The following STXBP4 variants were observed in gnomAD, a reference collection of about 807,000 sequenced individuals.
The protein encoded by STXBP4 is syntaxin binding protein 4.
STXBP4 carries 55 observed loss-of-function variants against 76.1 expected under a neutral mutation model. The observed-to-expected ratio is 0.72, with a 90% CI of 0.58 to 0.91. The LOEUF is 0.91. STXBP4 is among the 40% of genes least tolerant of loss of function. The probability of loss-of-function intolerance (pLI) is 0.00; values close to 1 mark genes in which losing one functional copy is unlikely to be tolerated. For synonymous variants in STXBP4, 201 were observed against 220.2 expected, an observed-to-expected ratio of 0.91 and a Z score of 0.77; for missense variants, 618 against 636.9, an observed-to-expected ratio of 0.97 and a Z score of 0.32.
chr17:55,149,176 A>G (rs190127995), intron 17 of STXBP4, among the ~76,000 whole-genome samples: 16 of 152,338 alleles, frequency 1.1e-4, no homozygotes, highest in African/African-American at 3.1e-4. Flanking sequence ...GTTGTAAGGT[A>G]TTGAAATTAC....
intron 16 of STXBP4, among the ~76,000 whole-genome samples, chr17:55,117,400 T>C (rs1190588969): frequency 6.6e-6 from 1 of 151,802 alleles, no homozygotes; most frequent in Non-Finnish European, 1.5e-5. Flanking sequence ...CAGGTTTCGA[T>C]GATGACCGAA....
chr17:55,078,711 A>G lies in STXBP4; in HGVS notation c.1331A>G (p.Asn444Ser). 1 of 1,565,584 alleles carries G rather than the reference A, an allele frequency of 6.4e-7. No homozygotes were observed. Among genetic ancestry groups the G allele is most frequent in the Non-Finnish European group, 8.8e-7 (1 of 1,137,590 alleles). Residue 444 changes from asparagine (N) to serine (S), a missense_variant, in exon 15 of 18, where the codon AAT becomes AGT. Transcript: ENST00000376352. ...VEAIQEVFSDNSTPLSNLSER... is the reference protein window; with the variant it reads ...VEAIQEVFSDSSTPLSNLSER... ...GCTATTCAAGAAGTATTTTCTGATA[A>G]TTCTACTCCTTTATCAAATTTAAGG...
intron 8 of STXBP4, among the ~76,000 whole-genome samples, chr17:55,012,186 G>C (rs2078127766): frequency 6.6e-6 from 1 of 152,156 alleles, no homozygotes; most frequent in Non-Finnish European, 1.5e-5. Flanking sequence ...ACACTTCACA[G>C]TGCACCATTG....
rs371725091 is a variant in STXBP4 at position 54,971,812 on chromosome 17, T to C, written c.-157+2997T>C. On this transcript the variant is annotated intron_variant, in intron 1 of 17. Transcript: ENST00000376352. ...TTATTTTTATTTTTATTTTTATTTT[T>C]GAGAGACAAGATCTTGCTGGGTTGC... Among the ~76,000 whole-genome samples the C allele has an allele frequency of 4.6e-5, 7 of 152,134 alleles. No homozygotes were observed. In the East Asian group the frequency reaches 5.8e-4, roughly 13 times the overall value.
chr17:55,199,749 C>T, the STXBP4 span, among the ~76,000 whole-genome samples: 1 of 152,228 alleles, frequency 6.6e-6, no homozygotes, highest in Non-Finnish European at 1.5e-5. Context: ...TTTTGTTCCT[C>T]GAGTGCTTAA....
At chr17:55,131,865 C>T (rs1455412824) in intron 16 of STXBP4, among the ~76,000 whole-genome samples, 2 of 152,084 alleles carry the variant, frequency 1.3e-5, no homozygotes, top group Non-Finnish European at 2.9e-5. Context: ...CAGGCTCAAG[C>T]GATCCTCCCA....
chr17:55,165,506 C>T lies in STXBP4; in HGVS notation c.*5595C>T, dbSNP rs779614722. On this transcript the variant is annotated 3_prime_UTR_variant, in exon 18 of 18. Transcript: ENST00000376352. ...GATTTCTGTGAACCCAAAAGGATCA[C>T]AGGAGTAGCAATAACACCTGCTGGA... 6.6e-6 allele frequency: 1 copy of T among 151,998 alleles called. No homozygotes were observed. Among genetic ancestry groups the T allele is most frequent in the Non-Finnish European group, 1.5e-5 (1 of 68,040 alleles). The allele number at this position is 151,998 out of a possible 1,614,324, so 9.4% of individuals were successfully genotyped here.
intron 16 of STXBP4, among the ~76,000 whole-genome samples, chr17:55,088,781 C>T (rs1048244611): frequency 6.6e-6 from 1 of 152,148 alleles, no homozygotes; most frequent in Non-Finnish European, 1.5e-5. Context: ...TGAGATTATA[C>T]ACATTTTGGA....
intron 12 of STXBP4, among the ~76,000 whole-genome samples, chr17:55,047,829 C>CA (rs986750151): frequency 1.3e-5 from 2 of 151,446 alleles, no homozygotes; most frequent in Non-Finnish European, 3.0e-5. Flanking sequence ...GACTATGTGA[C>CA]AAAAAAACAC....
chr17:55,059,710 C>G (rs1368376132), intron 12 of STXBP4, among the ~76,000 whole-genome samples: 2 of 151,462 alleles, frequency 1.3e-5, no homozygotes, highest in Non-Finnish European at 3.0e-5. Flanking sequence ...CATCCCAGAT[C>G]TATAGAATCA....
chr17:55,145,556 TA>T (rs1480778314), intron 17 of STXBP4, among the ~76,000 whole-genome samples: 1 of 152,230 alleles, frequency 6.6e-6, no homozygotes, highest in African/African-American at 2.4e-5. Flanking sequence ...CCTCATTGAC[TA>T]TCCCTGCCCA....
intron 7 of STXBP4, among the ~76,000 whole-genome samples, 186 bp downstream of exon 7, chr17:55,001,069 C>G (rs1410389080): frequency 2.6e-5 from 4 of 152,006 alleles, no homozygotes; most frequent in Admixed American, 1.3e-4. Context: ...TAGATATTTC[C>G]CTGAACAAAG....
At chr17:55,194,391 C>CAT in the STXBP4 span, among the ~76,000 whole-genome samples, 1 of 152,080 alleles carries the variant, frequency 6.6e-6, no homozygotes, top group East Asian at 1.9e-4. Flanking sequence ...ATACACAACA[C>CAT]ATACACTATT....
chr17:55,185,763 C>T, the STXBP4 span, among the ~76,000 whole-genome samples: 32 of 152,246 alleles, frequency 2.1e-4, no homozygotes, highest in Middle Eastern at 3.4e-3. Flanking sequence ...ACAGACTCAA[C>T]GCATCCACTC....
intron 7 of STXBP4, among the ~76,000 whole-genome samples, 164 bp from the exon 8 acceptor site, chr17:55,007,342 A>G (rs1384713951): frequency 1.3e-5 from 2 of 151,422 alleles, no homozygotes. Context: ...CCCCCTCCAA[A>G]AAAAAAAAAG....
chr17:55,064,084 T>C (rs1336334321), intron 12 of STXBP4, among the ~76,000 whole-genome samples: 1 of 152,200 alleles, frequency 6.6e-6, no homozygotes, highest in Non-Finnish European at 1.5e-5. Flanking sequence ...AATGATTTAT[T>C]CACAAGCTAT....
intron 16 of STXBP4, among the ~76,000 whole-genome samples, chr17:55,116,764 T>C (rs966992162): frequency 6.6e-6 from 1 of 151,810 alleles, no homozygotes; most frequent in Non-Finnish European, 1.5e-5. Flanking sequence ...CAAAAAAACT[T>C]TGGGCCTTTG....
intron 8 of STXBP4, among the ~76,000 whole-genome samples, chr17:55,008,210 CTT>C (rs77708278): frequency 2.7e-5 from 4 of 145,538 alleles, no homozygotes; most frequent in Admixed American, 6.9e-5. Context: ...AAATAAGCCC[CTT>C]TTTTTTTTTT....
intron 16 of STXBP4, among the ~76,000 whole-genome samples, chr17:55,104,104 C>T (rs536447579): frequency 2.8e-4 from 43 of 152,066 alleles, no homozygotes; most frequent in Non-Finnish European, 5.0e-4. Context: ...TATTCCTATT[C>T]GAATACCCTT....
Sources: allele counts gnomAD v4.1 joint callset (sites outside exome capture counted in the v4.1 genomes callset), GRCh38; gene constraint gnomAD v4.1.1; transcripts MANE v1.5; gene names NCBI Gene and HGNC (gene_info 2026-07-23, HGNC 2026-07-21).